CPS1: variants seen among roughly 807,000 people sequenced by gnomAD.
CPS1 encodes the protein carbamoyl-phosphate synthase [ammonia], mitochondrial.
In CPS1, 109 loss-of-function variants were observed where a neutral mutation model predicts 174.6. That is an observed-to-expected ratio of 0.62 (90% CI 0.53 to 0.73). The LOEUF is 0.73. Among genes scored for constraint, CPS1 ranks in the 30% least tolerant of loss-of-function variants. The pLI is 0.00. For synonymous variants in CPS1, 637 were observed against 632.0 expected, an observed-to-expected ratio of 1.01 and a Z score of -0.12; for missense variants, 1,689 against 1,821.9, an observed-to-expected ratio of 0.93 and a Z score of 1.33.
At chr2:210,623,657 T>C (rs1699609457) in intron 21 of CPS1, among the ~76,000 whole-genome samples, 1 of 152,146 alleles carries the variant, frequency 6.6e-6, no homozygotes, top group Non-Finnish European at 1.5e-5. Context: ...TGAGTTCCAC[T>C]TGGGCATTCA....
At chr2:210,533,001 G>C (rs10490318) in intron 1 of CPS1, among the ~76,000 whole-genome samples, 29,798 of 152,124 alleles carry the variant, frequency 0.2, 3,601 homozygotes, top group Middle Eastern at 0.33. Flanking sequence ...GGACAACACC[G>C]TGAAAACAAG....
intron 32 of CPS1, among the ~76,000 whole-genome samples, chr2:210,661,471 C>T (rs16844749): frequency 1.3e-3 from 205 of 152,220 alleles, no homozygotes; most frequent in East Asian, 5.0e-3. Flanking sequence ...AAAAGGTTTC[C>T]GTTCCTATAT....
intron 7 of CPS1, among the ~76,000 whole-genome samples, chr2:210,588,362 G>A (rs544478132): frequency 1.4e-4 from 21 of 151,642 alleles, no homozygotes; most frequent in African/African-American, 5.1e-4. Context: ...AAAACCTCAA[G>A]GGCCACTAAA....
At chr2:210,565,866 C>T (rs905458730) in intron 1 of CPS1, among the ~76,000 whole-genome samples, 4 of 152,206 alleles carry the variant, frequency 2.6e-5, no homozygotes, top group Admixed American at 2.6e-4. Flanking sequence ...CCTAGCATGA[C>T]TTAGGTTCTC....
chr2:210,478,565 AGTTT>A (rs1235406175), intron 1 of CPS1, among the ~76,000 whole-genome samples: 1 of 151,848 alleles, frequency 6.6e-6, no homozygotes, highest in Non-Finnish European at 1.5e-5. Flanking sequence ...TACTTTCTTT[AGTTT>A]GTTCACATTT....
At chr2:210,533,741 C>T (rs917617949) in intron 1 of CPS1, among the ~76,000 whole-genome samples, 2 of 152,068 alleles carry the variant, frequency 1.3e-5, no homozygotes, top group African/African-American at 4.8e-5. Context: ...CCTAGTTTTG[C>T]AGTTTAGAGG....
intron 21 of CPS1, among the ~76,000 whole-genome samples, chr2:210,627,701 T>C (rs545583873): frequency 5.3e-5 from 8 of 152,280 alleles, no homozygotes; most frequent in Non-Finnish European, 7.4e-5. Context: ...GAGTCGTAAG[T>C]ATGGTGGCCC....
rs1464459138 is a variant in CPS1, at chr2:210,660,626, A to G, written c.3898A>G (p.Ile1300Val). ...ACATCTTCCAACATTGGACCATCCC[A>G]TAATTCCTGCTGACTATGTTGCAAT... The part of the protein sequence containing the change: ...EKHLPTLDHP[I>V]IPADYVAIKA... Residue 1300 changes from isoleucine to valine, a missense_variant, in exon 32 of 38, where the codon ATA becomes GTA. Ile to Val is a conservative substitution (Grantham distance 29, BLOSUM62 3). Coordinates refer to ENST00000233072, the MANE Select transcript of CPS1 (RefSeq NM_001875.5). 1.9e-6 allele frequency: 3 copies of G among 1,614,032 alleles called. No individual in the cohort carries two copies. Among genetic ancestry groups the G allele is most frequent in the African/African-American group, 1.3e-5 (1 of 74,940 alleles).
intron 11 of CPS1, among the ~76,000 whole-genome samples, chr2:210,593,841 A>G (rs1032821567): frequency 6.6e-6 from 1 of 151,992 alleles, no homozygotes; most frequent in Admixed American, 6.6e-5. Context: ...CCCATGATGA[A>G]ACTCATAAAT....
intron 1 of CPS1, among the ~76,000 whole-genome samples, chr2:210,496,887 C>T (rs898824676): frequency 6.6e-6 from 1 of 152,270 alleles, no homozygotes; most frequent in Admixed American, 6.5e-5. Flanking sequence ...TATTTTCCTT[C>T]ATTGCATTTA....
intron 1 of CPS1, among the ~76,000 whole-genome samples, chr2:210,523,737 A>G (rs942308297): frequency 2.0e-5 from 3 of 152,024 alleles, no homozygotes; most frequent in Admixed American, 1.3e-4. Flanking sequence ...AATCCAAAGA[A>G]TGAATGTTCA....
chr2:210,628,470 T>G (rs770078512), intron 21 of CPS1, among the ~76,000 whole-genome samples: 2 of 152,032 alleles, frequency 1.3e-5, no homozygotes. Flanking sequence ...ACTAGAAAAA[T>G]GTAGTCAAAA....
At chr2:210,572,080 A>G (rs1697517948) in intron 1 of CPS1, among the ~76,000 whole-genome samples, 1 of 151,942 alleles carries the variant, frequency 6.6e-6, no homozygotes, top group Admixed American at 6.6e-5. Flanking sequence ...CCTTTACTTC[A>G]GGAAATTCGA....
chr2:210,563,662 T>TA (rs1452318923), intron 1 of CPS1, among the ~76,000 whole-genome samples: 1 of 152,214 alleles, frequency 6.6e-6, no homozygotes, highest in Non-Finnish European at 1.5e-5. Context: ...TGTGAAACAA[T>TA]ACATGAGCAA....
intron 1 of CPS1, among the ~76,000 whole-genome samples, chr2:210,543,342 G>T (rs1696481399): frequency 6.6e-6 from 1 of 151,976 alleles, no homozygotes; most frequent in Admixed American, 6.6e-5. Context: ...CACCTACAGG[G>T]TCTGGGGTCT....
intron 19 of CPS1, among the ~76,000 whole-genome samples, chr2:210,611,889 T>G (rs1699133825): frequency 6.6e-6 from 1 of 151,398 alleles, no homozygotes; most frequent in African/African-American, 2.4e-5. Context: ...CTGAACTCCC[T>G]GAGTGGTAAA....
At chr2:210,494,007 T>C (rs1319109403) in intron 1 of CPS1, among the ~76,000 whole-genome samples, 1 of 152,198 alleles carries the variant, frequency 6.6e-6, no homozygotes, top group African/African-American at 2.4e-5. Flanking sequence ...ACTATTAGAT[T>C]ACAAGCACCT....
At chr2:210,577,162 T>C in intron 3 of CPS1, 1 of 511,596 alleles carries the variant, frequency 2.0e-6, no homozygotes, top group South Asian at 2.2e-5. Flanking sequence ...ATAAATGCCA[T>C]GCATGTCAGA....
At chr2:210,657,794 A>G (rs986380463) in intron 30 of CPS1, 5 of 152,238 alleles carry the variant, frequency 3.3e-5, no homozygotes, top group Admixed American at 1.3e-4. Context: ...AGGTAGAGGT[A>G]GCAGGATACT....
Sources: allele counts gnomAD v4.1 joint callset (sites outside exome capture counted in the v4.1 genomes callset), GRCh38; gene constraint gnomAD v4.1.1; transcripts MANE v1.5; gene names NCBI Gene and HGNC (gene_info 2026-07-23, HGNC 2026-07-21).